Variants in ANTXR1 observed in about 807,000 individuals in gnomAD.
The protein encoded by ANTXR1 is ANTXR cell adhesion molecule 1, also known as anthrax toxin receptor 1.
Under a neutral mutation model 78.1 loss-of-function variants are expected in ANTXR1, and 19 were observed. The ratio of observed to expected loss-of-function variants is 0.24; its 90% confidence interval spans 0.17 to 0.36. The LOEUF is 0.36. Among genes scored for constraint, ANTXR1 ranks in the 10% least tolerant of loss-of-function variants. The probability of loss-of-function intolerance (pLI) is 1.00; values close to 1 mark genes in which losing one functional copy is unlikely to be tolerated. For synonymous variants in ANTXR1, 273 were observed against 260.5 expected, an observed-to-expected ratio of 1.05 and a Z score of -0.46; for missense variants, 518 against 718.6, an observed-to-expected ratio of 0.72 and a Z score of 3.19.
At chr2:69,207,097 A>G (rs1258584592) in intron 17 of ANTXR1, among the ~76,000 whole-genome samples, 1 of 152,202 alleles carries the variant, frequency 6.6e-6, no homozygotes, top group African/African-American at 2.4e-5. Context: ...GGTGTCATCC[A>G]CAGCCAGGCT....
chr2:69,200,349 G>C (rs1674744050), intron 17 of ANTXR1, among the ~76,000 whole-genome samples: 1 of 152,192 alleles, frequency 6.6e-6, no homozygotes, highest in African/African-American at 2.4e-5. Flanking sequence ...ATCCTCCCCA[G>C]CTGTTTCCAA....
intron 17 of ANTXR1, 120 bp downstream of exon 17, chr2:69,193,535 G>A: frequency 2.1e-6 from 2 of 939,254 alleles, no homozygotes; most frequent in East Asian, 5.3e-5. Context: ...AAATAACTTT[G>A]GATTCTAAAA....
At chr2:69,215,563 AC>A in intron 17 of ANTXR1, among the ~76,000 whole-genome samples, 1 of 152,216 alleles carries the variant, frequency 6.6e-6, no homozygotes, top group Non-Finnish European at 1.5e-5. Context: ...TATGATAGGC[AC>A]TCAGTGAATA....
chr2:69,214,354 C>A (rs1384267575), intron 17 of ANTXR1, among the ~76,000 whole-genome samples: 1 of 152,240 alleles, frequency 6.6e-6, no homozygotes, highest in Non-Finnish European at 1.5e-5. Context: ...TCCTTCTACT[C>A]CTTGTAAATT....
At chr2:69,171,383 A>G (rs1223516457) in intron 14 of ANTXR1, among the ~76,000 whole-genome samples, 1 of 152,272 alleles carries the variant, frequency 6.6e-6, no homozygotes. Flanking sequence ...CCTTCTTTAC[A>G]TACATTAAAA....
intron 16 of ANTXR1, among the ~76,000 whole-genome samples, chr2:69,189,985 G>T (rs1674512016): frequency 1.3e-5 from 2 of 152,180 alleles, no homozygotes; most frequent in Non-Finnish European, 2.9e-5. Context: ...TAGAATTTTT[G>T]AGTTGCCGGC....
chr2:69,225,324 A>G (rs933209292), intron 17 of ANTXR1, among the ~76,000 whole-genome samples: 1 of 152,162 alleles, frequency 6.6e-6, no homozygotes. Flanking sequence ...TGTTGAAAAT[A>G]TCAGACTGAG....
chr2:69,218,834 C>T (rs1196331683), intron 17 of ANTXR1, among the ~76,000 whole-genome samples: 1 of 152,108 alleles, frequency 6.6e-6, no homozygotes, highest in Non-Finnish European at 1.5e-5. Flanking sequence ...AATATCCCTG[C>T]CCCACCTAGA....
chr2:69,049,224 C>A (rs1270242074), intron 3 of ANTXR1, among the ~76,000 whole-genome samples: 1 of 151,920 alleles, frequency 6.6e-6, no homozygotes, highest in Non-Finnish European at 1.5e-5. Flanking sequence ...CCATCCCCAT[C>A]CCCTGCCAAA....
At chr2:69,212,935 T>TAGCTAAG (rs1252684542) in intron 17 of ANTXR1, among the ~76,000 whole-genome samples, 2 of 150,294 alleles carry the variant, frequency 1.3e-5, no homozygotes, top group African/African-American at 4.9e-5. Context: ...GCCTCCTAAG[T>TAGCTAAG]AGCTAAGACT....
At chr2:69,108,512 T>C (rs954786413) in intron 10 of ANTXR1, among the ~76,000 whole-genome samples, 1 of 152,254 alleles carries the variant, frequency 6.6e-6, no homozygotes, top group African/African-American at 2.4e-5. Flanking sequence ...GCAGGTTTCT[T>C]ACATAAGTAA....
At chr2:69,046,585 A>T (rs1669776284) in intron 3 of ANTXR1, among the ~76,000 whole-genome samples, 2 of 151,992 alleles carry the variant, frequency 1.3e-5, no homozygotes, top group African/African-American at 4.8e-5. Flanking sequence ...TCATGTGGTG[A>T]CTGCTTGGCC....
chr2:69,072,794 A>T (rs1670608251), intron 5 of ANTXR1, among the ~76,000 whole-genome samples: 1 of 152,252 alleles, frequency 6.6e-6, no homozygotes, highest in Non-Finnish European at 1.5e-5. Context: ...CCATTTTTCA[A>T]GATGAGGCTG....
chr2:69,056,764 C>G (rs1670079868), intron 3 of ANTXR1, among the ~76,000 whole-genome samples: 2 of 152,156 alleles, frequency 1.3e-5, no homozygotes, highest in Non-Finnish European at 2.9e-5. Context: ...ACTTCCGCCT[C>G]CTGGGTTCAA....
chr2:69,110,143 G>A (rs950055501), intron 10 of ANTXR1, among the ~76,000 whole-genome samples: 6 of 152,152 alleles, frequency 3.9e-5, no homozygotes, highest in South Asian at 2.1e-4. Flanking sequence ...ACTACAACAC[G>A]CAGTCTTGGA....
At chr2:69,149,130 A>G (rs1673317544) in intron 12 of ANTXR1, among the ~76,000 whole-genome samples, 1 of 152,224 alleles carries the variant, frequency 6.6e-6, no homozygotes, top group Non-Finnish European at 1.5e-5. Flanking sequence ...CGGGGGCTTT[A>G]TCCCAGAGCA....
chr2:69,193,685 A>G (rs1489014966), intron 17 of ANTXR1, among the ~76,000 whole-genome samples: 1 of 152,190 alleles, frequency 6.6e-6, no homozygotes, highest in Non-Finnish European at 1.5e-5. Flanking sequence ...TGACAGTAAT[A>G]TGTTGGGTTT....
At chr2:69,197,717 C>G (rs971403702) in intron 17 of ANTXR1, among the ~76,000 whole-genome samples, 3 of 152,196 alleles carry the variant, frequency 2.0e-5, no homozygotes, top group Non-Finnish European at 4.4e-5. Flanking sequence ...GAACCTCTGT[C>G]CCAGGATGGT....
intron 16 of ANTXR1, among the ~76,000 whole-genome samples, chr2:69,187,914 G>T (rs994662922): frequency 7.3e-5 from 11 of 151,642 alleles, no homozygotes; most frequent in Non-Finnish European, 1.5e-4. Context: ...AGTGTAAAAA[G>T]TCAGGTGTCA....
Sources: gnomAD v4.1 joint callset for allele counts (sites outside exome capture counted in the v4.1 genomes callset) on GRCh38, gnomAD v4.1.1 for gene constraint, MANE v1.5 for transcripts, NCBI Gene and HGNC (gene_info 2026-07-23, HGNC 2026-07-21) for gene names.